Variants in CMSS1 observed in about 807,000 individuals in gnomAD.
CMSS1 encodes protein CMSS1.
A neutral mutation model predicts 43.5 loss-of-function variants in CMSS1; 33 were observed. The observed-to-expected ratio is 0.76, with a 90% CI of 0.57 to 1.01. The LOEUF is 1.01. CMSS1 is among the 50% of genes least tolerant of loss of function. The pLI, the probability that CMSS1 is intolerant of heterozygous loss-of-function variation, is 0.00. For synonymous variants in CMSS1, 115 were observed against 117.2 expected, an observed-to-expected ratio of 0.98 and a Z score of 0.12; for missense variants, 313 against 326.4, an observed-to-expected ratio of 0.96 and a Z score of 0.32.
chr3:99,856,271 G>A (rs1017816346), intron 1 of CMSS1, among the ~76,000 whole-genome samples: 1 of 152,178 alleles, frequency 6.6e-6, no homozygotes, highest in Non-Finnish European at 1.5e-5. Flanking sequence ...AAGTGTTGTT[G>A]GAAAAGGAGA....
At chr3:100,025,932 GT>G (rs1035063672) in intron 1 of CMSS1, among the ~76,000 whole-genome samples, 13 of 152,126 alleles carry the variant, frequency 8.5e-5, no homozygotes, top group African/African-American at 3.1e-4. Context: ...GAGCTCCCTT[GT>G]TTGGAAAGCA....
intron 1 of CMSS1, among the ~76,000 whole-genome samples, chr3:99,872,269 C>CTGTGTGTGTG (rs55727823): frequency 0.033 from 3,604 of 110,750 alleles, 117 homozygotes; most frequent in East Asian, 0.043. Context: ...TGTGCCAGGA[C>CTGTGTGTGTG]TGTGTGTGTG....
intron 1 of CMSS1, among the ~76,000 whole-genome samples, chr3:99,825,256 A>T (rs191592285): frequency 6.6e-6 from 1 of 152,228 alleles, no homozygotes; most frequent in African/African-American, 2.4e-5. Flanking sequence ...TAGACACTGT[A>T]CCAGAATTAG....
chr3:99,955,555 A>T (rs1708297454), intron 1 of CMSS1, among the ~76,000 whole-genome samples: 1 of 152,174 alleles, frequency 6.6e-6, no homozygotes, highest in African/African-American at 2.4e-5. Flanking sequence ...GAGAACTCTA[A>T]CAAGATATAC....
At chr3:99,820,286 TC>T (rs1279888044) in intron 1 of CMSS1, among the ~76,000 whole-genome samples, 1 of 151,168 alleles carries the variant, frequency 6.6e-6, no homozygotes, top group Non-Finnish European at 1.5e-5. Flanking sequence ...AACCTCCACC[TC>T]CTGGGTTCAA....
chr3:100,174,065 C>T (rs556297117), intron 8 of CMSS1, among the ~76,000 whole-genome samples: 2 of 152,288 alleles, frequency 1.3e-5, no homozygotes, highest in South Asian at 2.1e-4. Context: ...TTGGAAACTT[C>T]GTGGGCTCTA....
At position 100,176,309 on chromosome 3, in the gene CMSS1, T is replaced by G. The variant is rs116210648; in HGVS notation, c.668-18T>G. On this transcript the variant is annotated intron_variant, in intron 8 of 9. Transcript: ENST00000421999. ...CATGAGGTCTTTACTACAGCAACTC[T>G]CTTCCTGTCTCTTTCAGGTGGCCTT... 8.0e-4 allele frequency: 1,241 copies of G among 1,548,460 alleles called. 12 individuals carry two copies. In the African/African-American group the frequency reaches 0.016, roughly 19 times the overall value.
intron 1 of CMSS1, among the ~76,000 whole-genome samples, chr3:100,125,897 A>G (rs1401989921): frequency 6.6e-6 from 1 of 152,234 alleles, no homozygotes; most frequent in Middle Eastern, 3.2e-3. Context: ...AAGATGTACA[A>G]CAGAGAAAAT....
chr3:99,924,456 G>A (rs1482048717), intron 1 of CMSS1: 1 of 1,530,510 alleles, frequency 6.5e-7, no homozygotes. Flanking sequence ...TTTATATACT[G>A]TTGTCTTTCA....
At chr3:99,961,597 C>G (rs545661492) in intron 1 of CMSS1, among the ~76,000 whole-genome samples, 1 of 152,188 alleles carries the variant, frequency 6.6e-6, no homozygotes, top group Non-Finnish European at 1.5e-5. Context: ...CATTCTTTGC[C>G]ATATTATTTT....
chr3:99,886,469 T>C (rs1470197321), intron 1 of CMSS1, among the ~76,000 whole-genome samples: 1 of 152,008 alleles, frequency 6.6e-6, no homozygotes, highest in African/African-American at 2.4e-5. Context: ...TATGAATTTG[T>C]GTTGGGCTAC....
chr3:99,933,976 A>T (rs74892789), intron 1 of CMSS1, among the ~76,000 whole-genome samples: 1 of 152,208 alleles, frequency 6.6e-6, no homozygotes, highest in Non-Finnish European at 1.5e-5. Flanking sequence ...TCTTACAGCT[A>T]TTCTGGGCCT....
At chr3:100,023,322 C>T (rs1298419209) in intron 1 of CMSS1, 1 of 152,636 alleles carries the variant, frequency 6.6e-6, no homozygotes, top group African/African-American at 2.4e-5. Context: ...CAAACAGAGC[C>T]TGGCTCTCAA....
intron 1 of CMSS1, among the ~76,000 whole-genome samples, chr3:100,060,270 T>C (rs1351894433): frequency 2.6e-5 from 4 of 152,114 alleles, no homozygotes; most frequent in Non-Finnish European, 5.9e-5. Flanking sequence ...AGGAGTGAAG[T>C]ACCATGCAAG....
At chr3:100,114,751 G>A (rs772359919) in intron 1 of CMSS1, among the ~76,000 whole-genome samples, 1 of 152,196 alleles carries the variant, frequency 6.6e-6, no homozygotes, top group African/African-American at 2.4e-5. Context: ...CAGATGCCCA[G>A]ATGGACATTA....
chr3:100,035,621 C>A (rs1386111780), intron 1 of CMSS1, among the ~76,000 whole-genome samples: 1 of 152,152 alleles, frequency 6.6e-6, no homozygotes, highest in Non-Finnish European at 1.5e-5. Flanking sequence ...ACACTTTGAC[C>A]TTTTTCACCC....
chr3:99,894,688 A>T (rs1298910615), intron 1 of CMSS1, among the ~76,000 whole-genome samples: 1 of 152,206 alleles, frequency 6.6e-6, no homozygotes, highest in Non-Finnish European at 1.5e-5. Flanking sequence ...GATATTATTA[A>T]TTATGGAGTT....
At chr3:100,126,724 T>C (rs1349127025) in intron 1 of CMSS1, among the ~76,000 whole-genome samples, 1 of 152,142 alleles carries the variant, frequency 6.6e-6, no homozygotes, top group African/African-American at 2.4e-5. Flanking sequence ...TGGGGCTGGA[T>C]GCGGTGGCTC....
chr3:99,853,424 G>A (rs1559660383), intron 1 of CMSS1, among the ~76,000 whole-genome samples: 2 of 152,308 alleles, frequency 1.3e-5, no homozygotes, highest in East Asian at 3.9e-4. Context: ...TGAGAAGGGG[G>A]TGTGTTTTCT....
Sources: gnomAD v4.1 joint callset for allele counts (sites outside exome capture counted in the v4.1 genomes callset) on GRCh38, gnomAD v4.1.1 for gene constraint, MANE v1.5 for transcripts, NCBI Gene and HGNC (gene_info 2026-07-23, HGNC 2026-07-21) for gene names.